The following AGL variants were observed in gnomAD, a reference collection of about 807,000 sequenced individuals.
The protein encoded by AGL is amylo-alpha-1,6-glucosidase and 4-alpha-glucanotransferase, also known as glycogen debranching enzyme.
AGL carries 128 observed loss-of-function variants against 199.3 expected under a neutral mutation model. The ratio of observed to expected loss-of-function variants is 0.64; its 90% CI spans 0.56 to 0.74. AGL has a LOEUF of 0.74. Among genes scored for constraint, AGL ranks in the 30% least tolerant of loss-of-function variants. The probability of loss-of-function intolerance (pLI) is 0.00; values close to 1 mark genes in which losing one functional copy is unlikely to be tolerated. For missense variants in AGL, 1,809 were observed against 1,820.8 expected, an observed-to-expected ratio of 0.99 and a Z score of 0.12; for synonymous variants, 584 against 594.7, an observed-to-expected ratio of 0.98 and a Z score of 0.26.
chr1:99,863,539 G>A (rs1030627758), intron 4 of AGL, among the ~76,000 whole-genome samples: 5 of 151,804 alleles, frequency 3.3e-5, no homozygotes, highest in Non-Finnish European at 7.4e-5. Context: ...TGCAAGCTCC[G>A]CCTCCTGGGT....
Position 99,922,312 on chromosome 1 carries a change from A to T in AGL, c.*661A>T, listed in dbSNP as rs942780513. The T allele has an allele frequency of 6.6e-6, 1 of 151,832 alleles. No individual in the cohort carries two copies. The highest frequency in any genetic ancestry group is 1.5e-5 in the Non-Finnish European group (1 of 67,816). The allele number at this position is 151,832 out of a possible 1,614,324, so 9.4% of individuals were successfully genotyped here. Reference sequence around the variant, plus strand: ...ATTAGGAAATTTATTTCCTAAAAACAGTTTTGTAAAATTAGTATTGAGTTC... The same window carrying T: ...ATTAGGAAATTTATTTCCTAAAAACTGTTTTGTAAAATTAGTATTGAGTTC... On this transcript the variant is annotated 3_prime_UTR_variant, in exon 34 of 34. Transcript: ENST00000361915.
At chr1:99,897,642 G>A (rs115894682) in intron 25 of AGL, among the ~76,000 whole-genome samples, 2 of 152,270 alleles carry the variant, frequency 1.3e-5, no homozygotes, top group Non-Finnish European at 2.9e-5. Context: ...TTCCCTAAAT[G>A]CTCCTGAATT....
chr1:99,879,857 C>G (rs753196899), intron 12 of AGL, 66 bp from the exon 13 acceptor site: 1 of 1,361,204 alleles, frequency 7.3e-7, no homozygotes, highest in East Asian at 2.3e-5. Flanking sequence ...CTCTTTCCTT[C>G]CTCCTATCTT....
rs2101137054 is a variant in AGL at position 99,877,836 on chromosome 1, A to G, written c.1611+8A>G. On this transcript the variant is annotated splice_region_variant and intron_variant, in intron 12 of 33. Transcript: ENST00000361915. The stretch of plus-strand genomic sequence containing the variant: ...CCTCTTCACGTAGCTGAGGTACAGA[A>G]AAACAATTTATCTACATTAAGAAAA... The G allele has an allele frequency of 6.2e-7, 1 of 1,613,220 alleles. No homozygotes were observed. Among genetic ancestry groups the G allele is most frequent in the Admixed American group, 1.7e-5 (1 of 60,018 alleles).
At chr1:99,892,700 A>G (rs909954086) in intron 24 of AGL, 93 bp downstream of exon 24, 1 of 1,248,060 alleles carries the variant, frequency 8.0e-7, no homozygotes, top group African/African-American at 1.5e-5. Context: ...AAAGCTTGTA[A>G]TGCTACTCAA....
At chr1:99,859,742 A>G (rs1462838794) in intron 2 of AGL, among the ~76,000 whole-genome samples, 1 of 152,100 alleles carries the variant, frequency 6.6e-6, no homozygotes, top group East Asian at 1.9e-4. Context: ...GGGTTTCACC[A>G]TGTTGGTCAG....
chr1:99,874,304 TG>T (rs1197505133), intron 7 of AGL, among the ~76,000 whole-genome samples: 1 of 150,700 alleles, frequency 6.6e-6, no homozygotes, highest in Non-Finnish European at 1.5e-5. Flanking sequence ...ACCTGCAAGT[TG>T]TGCACATGTA....
intron 12 of AGL, among the ~76,000 whole-genome samples, chr1:99,878,949 T>C (rs980747610): frequency 1.3e-5 from 2 of 152,186 alleles, no homozygotes; most frequent in African/African-American, 2.4e-5. Flanking sequence ...AATTACAAAA[T>C]CTAGGATTCT....
rs1932442 is a variant in AGL at position 99,894,861 on chromosome 1, G to A, written c.3260-1425G>A. Among the ~76,000 whole-genome samples the A allele has an allele frequency of 1.3e-3, 197 of 152,214 alleles. 1 individual carries two copies. The highest frequency in any genetic ancestry group is 4.6e-3 in the African/African-American group (190 of 41,534). Reference sequence around the variant, plus strand: ...TGAATACATACTTGTTGGTGAACAAGGTAGATGAGGTTTCTACTCATAGGT... The same window carrying A: ...TGAATACATACTTGTTGGTGAACAAAGTAGATGAGGTTTCTACTCATAGGT... On this transcript the variant is annotated intron_variant, in intron 24 of 33. Transcript: ENST00000361915.
chr1:99,919,917 C>CT (rs766600187), intron 33 of AGL, among the ~76,000 whole-genome samples: 1 of 152,168 alleles, frequency 6.6e-6, no homozygotes, highest in Non-Finnish European at 1.5e-5. Flanking sequence ...CTCTTGGACT[C>CT]TAACATCCTG....
intron 28 of AGL, among the ~76,000 whole-genome samples, chr1:99,911,473 C>T (rs988394223): frequency 2.0e-5 from 3 of 152,028 alleles, no homozygotes; most frequent in African/African-American, 7.2e-5. Flanking sequence ...GAGAGAGCCT[C>T]ACTCTGTTGC....
At chr1:99,874,614 A>G (rs1651339063) in intron 7 of AGL, 73 bp from the exon 8 acceptor site, 1 of 1,422,668 alleles carries the variant, frequency 7.0e-7, no homozygotes, top group South Asian at 1.2e-5. Context: ...TAGGCCAAAA[A>G]TTAGAAAATA....
At chr1:99,867,835 G>A (rs1320324603) in intron 5 of AGL, among the ~76,000 whole-genome samples, 2 of 152,138 alleles carry the variant, frequency 1.3e-5, no homozygotes, top group African/African-American at 2.4e-5. Flanking sequence ...TGTTGCAGAA[G>A]TTCTATTCCA....
intron 26 of AGL, among the ~76,000 whole-genome samples, chr1:99,901,823 T>C (rs2769698): frequency 0.48 from 72,900 of 151,628 alleles, 17,797 homozygotes; most frequent in East Asian, 0.59. Context: ...ATATTTGTGT[T>C]CTCATGATAT....
chr1:99,913,720 T>C lies in AGL; in HGVS notation c.4143T>C (p.Phe1381=). ...GTGACTATCAGCTCAGGCCTAATTTTACCATAGCAATGGTTGTGGTAGGTG... is the reference window on the plus strand; with the variant it reads ...GTGACTATCAGCTCAGGCCTAATTTCACCATAGCAATGGTTGTGGTAGGTG... The part of the protein sequence containing the change: ...PWCDYQLRPN[F]TIAMVVAPEL... The change falls in exon 30 of 34, where the codon TTT becomes TTC. Residue 1381 remains phenylalanine, a synonymous_variant. Transcript: ENST00000361915. 6.2e-7 allele frequency: 1 copy of C among 1,614,068 alleles called. No homozygotes were observed.
chr1:99,884,934 C>G (rs1652340198), intron 20 of AGL, among the ~76,000 whole-genome samples: 1 of 152,192 alleles, frequency 6.6e-6, no homozygotes, highest in African/African-American at 2.4e-5. Flanking sequence ...TGCCTACATG[C>G]ATACATAACA....
At chr1:99,852,699 T>C (rs1416519185) in intron 2 of AGL, 1 of 780,666 alleles carries the variant, frequency 1.3e-6, no homozygotes. Context: ...TTAATTTATT[T>C]ATTGGTGAGA....
At chr1:99,909,895 A>G (rs1233899670) in intron 27 of AGL, among the ~76,000 whole-genome samples, 1 of 152,136 alleles carries the variant, frequency 6.6e-6, no homozygotes, top group Non-Finnish European at 1.5e-5. Context: ...GTATGTGTAA[A>G]TTACTTATGC....
Position 99,896,146 on chromosome 1 carries a change from A to T in AGL, c.3260-140A>T, listed in dbSNP as rs1039590138. The stretch of plus-strand genomic sequence containing the variant: ...AAGTATAGACATACATTTTGCAAAT[A>T]ATTTTAGAGGGTTTTAGAGGATTTG... On this transcript the variant is annotated intron_variant, in intron 24 of 33. Coordinates refer to ENST00000361915, the MANE Select transcript of AGL (RefSeq NM_000642.3). The T allele has an allele frequency of 7.0e-6, 5 of 713,192 alleles. No individual in the cohort carries two copies. The African/African-American group carries it at 8.9e-5, about 13-fold the overall frequency. The allele number at this position is 713,192 out of a possible 1,614,324, so 44.2% of individuals were successfully genotyped here. A position where few individuals can be genotyped will look rare whatever the true frequency, so the allele number is the denominator to read the frequency against.
Sources: allele counts gnomAD v4.1 joint callset (sites outside exome capture counted in the v4.1 genomes callset), GRCh38; gene constraint gnomAD v4.1.1; transcripts MANE v1.5; gene names NCBI Gene and HGNC (gene_info 2026-07-23, HGNC 2026-07-21).